BIRC6: variants seen among roughly 807,000 people sequenced by gnomAD.
BIRC6 encodes the protein dual E2 ubiquitin-conjugating enzyme/E3 ubiquitin-protein ligase BIRC6.
In BIRC6, 98 loss-of-function variants were observed where a neutral mutation model predicts 503.3. The observed-to-expected ratio is 0.19, with a 90% CI of 0.17 to 0.23. The LOEUF (loss-of-function observed/expected upper bound fraction) is 0.23. Ranked by LOEUF, BIRC6 falls within the 10% of genes least tolerant of loss-of-function variation. The pLI is 1.00. For missense variants in BIRC6, 5,360 were observed against 5,806.0 expected (o/e 0.92, Z 2.50); for synonymous variants, 2,240 against 2,078.7 (o/e 1.08, Z -2.11).
chr2:32,505,175 C>A lies in BIRC6; in HGVS notation c.9670C>A (p.His3224Asn), dbSNP rs748560632. 3 of 1,582,522 alleles carry A rather than the reference C, an allele frequency of 1.9e-6. No individual in the cohort carries two copies. Among genetic ancestry groups the A allele is most frequent in the Non-Finnish European group, 2.6e-6 (3 of 1,163,210 alleles). ...LPAAVLLKEI[H>N]IQPHLASLAT... Reference sequence around the variant, plus strand: ...TGCAGCAGTGCTGCTTAAGGAGATACATATCCAGCCTCATCTTGCATCTCT... The same window carrying A: ...TGCAGCAGTGCTGCTTAAGGAGATAAATATCCAGCCTCATCTTGCATCTCT... Residue 3224 changes from histidine (H) to asparagine (N), a missense_variant, in exon 50 of 74, where the codon CAT becomes AAT. His to Asn is a moderately conservative substitution (Grantham distance 68). Coordinates refer to ENST00000421745, the MANE Select transcript of BIRC6 (RefSeq NM_016252.4).
chr2:32,497,684 G>C (rs1278945914), intron 45 of BIRC6, among the ~76,000 whole-genome samples: 2 of 152,056 alleles, frequency 1.3e-5, no homozygotes. Flanking sequence ...CATTTCTGAT[G>C]TTGGTAATTT....
chr2:32,397,516 A>G (rs1431796684), intron 6 of BIRC6, among the ~76,000 whole-genome samples: 1 of 151,042 alleles, frequency 6.6e-6, no homozygotes, highest in Admixed American at 6.6e-5. Context: ...GACCTGTTGC[A>G]TGAGCAATTT....
chr2:32,578,703 C>T (rs560833640), intron 66 of BIRC6, among the ~76,000 whole-genome samples: 8 of 151,660 alleles, frequency 5.3e-5, no homozygotes, highest in South Asian at 4.2e-4. Flanking sequence ...GGCTGAGGCA[C>T]GAGAATCACT....
Position 32,455,126 on chromosome 2 carries a change from C to A in BIRC6, c.4753+1184C>A, listed in dbSNP as rs557946140. The stretch of plus-strand genomic sequence containing the variant: ...TGGCGCGGTGGCTCATGCCTGTAAT[C>A]CCAGCACTTTGGGAGGCCAAGGTGG... On this transcript the variant is annotated intron_variant, in intron 23 of 73. Coordinates refer to ENST00000421745, the MANE Select transcript of BIRC6 (RefSeq NM_016252.4). 5.1e-4 allele frequency among the ~76,000 whole-genome samples: 78 copies of A among 152,026 alleles called. 1 individual carries two copies. Among genetic ancestry groups the A allele is most frequent in the African/African-American group, 1.8e-3 (75 of 41,468 alleles).
At chr2:32,538,226 C>T (rs889028036) in intron 61 of BIRC6, among the ~76,000 whole-genome samples, 4 of 152,106 alleles carry the variant, frequency 2.6e-5, no homozygotes, top group African/African-American at 9.7e-5. Context: ...AAGGAGGAAG[C>T]TGAAGCTGAG....
At chr2:32,542,839 G>A (rs115099348) in intron 61 of BIRC6, among the ~76,000 whole-genome samples, 1 of 152,080 alleles carries the variant, frequency 6.6e-6, no homozygotes, top group Non-Finnish European at 1.5e-5. Flanking sequence ...TAGTTTTGTT[G>A]CCCAGGCTGG....
intron 65 of BIRC6, among the ~76,000 whole-genome samples, chr2:32,554,761 A>T (rs533176600): frequency 9.3e-5 from 14 of 150,646 alleles, no homozygotes; most frequent in Non-Finnish European, 1.3e-4. Flanking sequence ...TTTTTACTTT[A>T]TGTTACCTTT....
intron 23 of BIRC6, 119 bp downstream of exon 23, chr2:32,454,061 T>C: frequency 1.1e-6 from 1 of 873,044 alleles, no homozygotes; most frequent in South Asian, 2.4e-5. Flanking sequence ...AGTGGAAATT[T>C]ATTTGTGGGA....
At chr2:32,449,911 A>T (rs1243160047) in intron 22 of BIRC6, among the ~76,000 whole-genome samples, 1 of 152,218 alleles carries the variant, frequency 6.6e-6, no homozygotes, top group Non-Finnish European at 1.5e-5. Flanking sequence ...TGTTATTACT[A>T]TTTGATGACT....
intron 23 of BIRC6, among the ~76,000 whole-genome samples, chr2:32,457,094 G>A (rs142249205): frequency 2.1e-3 from 315 of 152,222 alleles, no homozygotes; most frequent in Admixed American, 2.8e-3. Flanking sequence ...CTATTTCTCC[G>A]AGGATTTACC....
intron 73 of BIRC6, among the ~76,000 whole-genome samples, chr2:32,614,015 T>C (rs2063069214): frequency 6.6e-6 from 1 of 152,224 alleles, no homozygotes; most frequent in African/African-American, 2.4e-5. Context: ...ATTACTGACA[T>C]TTTTTACATA....
In BIRC6 at chr2:32,512,617, C is replaced by T. The variant is rs554854363; in HGVS notation, c.10347-316C>T. Among the ~76,000 whole-genome samples the T allele has an allele frequency of 2.0e-5, 3 of 152,050 alleles. No individual in the cohort carries two copies. The South Asian group carries it at 6.2e-4, about 32-fold the overall frequency. On this transcript the variant is annotated intron_variant, in intron 53 of 73. Transcript: ENST00000421745. ...ATTACTAGTATTTAATGCTAGGGTCCAGGGATGTGAAACGTGCTGTATTTC... is the reference window on the plus strand; with the variant it reads ...ATTACTAGTATTTAATGCTAGGGTCTAGGGATGTGAAACGTGCTGTATTTC...
chr2:32,404,352 C>G (rs150181842), intron 8 of BIRC6, among the ~76,000 whole-genome samples: 9 of 151,830 alleles, frequency 5.9e-5, no homozygotes, highest in African/African-American at 2.2e-4. Context: ...GAGTCTTGCT[C>G]TGTCGCCCAT....
chr2:32,602,113 C>G (rs1004112602), intron 70 of BIRC6, among the ~76,000 whole-genome samples: 4 of 152,160 alleles, frequency 2.6e-5, no homozygotes, highest in African/African-American at 7.2e-5. Context: ...GGAAATAAAT[C>G]AGAATCTCGA....
chr2:32,368,307 G>A (rs889660192), intron 1 of BIRC6, among the ~76,000 whole-genome samples: 63 of 152,078 alleles, frequency 4.1e-4, no homozygotes, highest in African/African-American at 1.3e-3. Flanking sequence ...TTGGGAGGCC[G>A]AGGTGGATGG....
At position 32,487,839 on chromosome 2, in the gene BIRC6, A is replaced by T. The variant is rs1434991124; in HGVS notation, c.7968+38A>T. 3 of 1,529,386 alleles carry T rather than the reference A, an allele frequency of 2.0e-6. No homozygotes were observed. In the South Asian group the frequency reaches 3.5e-5, roughly 18 times the overall value. The allele number at this position is 1,529,386 out of a possible 1,614,324, so 94.7% of individuals were successfully genotyped here. ...GAGAAATGGTGTATTTTTACATATT[A>T]TTGTTAGCCTGGTAAAAGATGAAAC... On this transcript the variant is annotated intron_variant, in intron 41 of 73. Transcript: ENST00000421745.
intron 71 of BIRC6, 78 bp downstream of exon 71, chr2:32,603,161 GAATA>G (rs1253745298): frequency 2.9e-6 from 3 of 1,041,306 alleles, no homozygotes; most frequent in East Asian, 2.6e-5. Context: ...TAGTGACCAA[GAATA>G]AATATAGTAA....
At chr2:32,559,717 C>CT (rs1559052086) in intron 65 of BIRC6, among the ~76,000 whole-genome samples, 2 of 144,804 alleles carry the variant, frequency 1.4e-5, no homozygotes, top group Admixed American at 1.4e-4. Context: ...TCTTCAAAAT[C>CT]TTTAAAAAAA....
chr2:32,581,850 C>G (rs1487855871), intron 66 of BIRC6, among the ~76,000 whole-genome samples: 8 of 152,022 alleles, frequency 5.3e-5, no homozygotes, highest in Admixed American at 5.2e-4. Flanking sequence ...GAAAAGTGAT[C>G]TATATTTTAT....
Sources: gnomAD v4.1 joint callset for allele counts (sites outside exome capture counted in the v4.1 genomes callset) on GRCh38, gnomAD v4.1.1 for gene constraint, MANE v1.5 for transcripts, NCBI Gene and HGNC (gene_info 2026-07-23, HGNC 2026-07-21) for gene names.